TRPM3: variants seen among roughly 807,000 people sequenced by gnomAD.
TRPM3 encodes the protein transient receptor potential cation channel subfamily M member 3.
Under a neutral mutation model 181.2 loss-of-function variants are expected in TRPM3, and 77 were observed. The observed-to-expected ratio is 0.42, with a 90% CI of 0.35 to 0.51. The LOEUF is 0.51. Among genes scored for constraint, TRPM3 ranks in the 20% least tolerant of loss-of-function variants. The pLI is 0.01. For synonymous variants in TRPM3, 745 were observed against 796.4 expected, an observed-to-expected ratio of 0.94 and a Z score of 1.09; for missense variants, 1,759 against 2,196.7, an observed-to-expected ratio of 0.80 and a Z score of 3.98.
At chr9:70,796,650 G>A (rs2087111142) in intron 6 of TRPM3, among the ~76,000 whole-genome samples, 2 of 152,174 alleles carry the variant, frequency 1.3e-5, no homozygotes, top group African/African-American at 2.4e-5. Context: ...TTCTTATAGT[G>A]CCTTACATAT....
At chr9:71,123,554 T>G (rs2073856311), upstream of TRPM3, among the ~76,000 whole-genome samples, 3 of 152,326 alleles carry the variant, frequency 2.0e-5, no homozygotes, top group South Asian at 6.2e-4. Context: ...GTGCTGATTC[T>G]GAGCTGGAAG....
At chr9:70,803,449 TTG>T (rs1491231621) in intron 6 of TRPM3, among the ~76,000 whole-genome samples, 2 of 123,412 alleles carry the variant, frequency 1.6e-5, no homozygotes, top group Non-Finnish European at 3.4e-5. Context: ...ACCGTTTTTG[TTG>T]TTTTTTTTTT....
upstream of TRPM3, among the ~76,000 whole-genome samples, chr9:71,125,193 CTTT>C (rs2073955766): frequency 6.6e-6 from 1 of 152,028 alleles, no homozygotes; most frequent in South Asian, 2.1e-4. Flanking sequence ...TTTGAATTTT[CTTT>C]TTTAAATATT....
At chr9:71,016,065 C>T (rs926274744) in intron 1 of TRPM3, among the ~76,000 whole-genome samples, 13 of 149,398 alleles carry the variant, frequency 8.7e-5, no homozygotes, top group African/African-American at 4.9e-5. Context: ...TGTGGTGGTG[C>T]GTGCCTGTAG....
intron 1 of TRPM3, among the ~76,000 whole-genome samples, chr9:70,891,634 A>C (rs988590192): frequency 5.9e-5 from 9 of 152,204 alleles, no homozygotes; most frequent in Non-Finnish European, 8.8e-5. Context: ...CTTAAATGGA[A>C]GTACTGGAAG....
chr9:71,010,527 A>G (rs891801506), intron 1 of TRPM3, among the ~76,000 whole-genome samples: 1 of 152,158 alleles, frequency 6.6e-6, no homozygotes, highest in Admixed American at 6.5e-5. Context: ...AATGCTCAAC[A>G]TCACTCATCA....
chr9:70,822,954 G>A (rs1054555330), intron 6 of TRPM3, among the ~76,000 whole-genome samples: 6 of 152,072 alleles, frequency 3.9e-5, no homozygotes, highest in African/African-American at 1.4e-4. Context: ...AATGGGATGT[G>A]ATGTGTCCCT....
At chr9:70,768,195 C>T (rs951248914) in intron 7 of TRPM3, among the ~76,000 whole-genome samples, 2 of 152,144 alleles carry the variant, frequency 1.3e-5, no homozygotes, top group African/African-American at 4.8e-5. Context: ...CCACCATTTC[C>T]TTTAAAGTAA....
intron 1 of TRPM3, among the ~76,000 whole-genome samples, chr9:71,403,948 C>T (rs1215135578): frequency 6.6e-6 from 1 of 152,156 alleles, no homozygotes; most frequent in East Asian, 1.9e-4. Flanking sequence ...GAATATTTCT[C>T]TTTCCAAAAT....
chr9:70,877,340 G>C (rs967895819), intron 1 of TRPM3, among the ~76,000 whole-genome samples: 1 of 151,836 alleles, frequency 6.6e-6, no homozygotes, highest in African/African-American at 2.4e-5. Context: ...AAAGATAGAA[G>C]GGTAAAAATA....
chr9:70,633,867 T>C (rs1454815893), intron 12 of TRPM3, among the ~76,000 whole-genome samples: 1 of 152,176 alleles, frequency 6.6e-6, no homozygotes, highest in Admixed American at 6.5e-5. Context: ...CAAGTGGCGA[T>C]AGTGGGCAAA....
chr9:70,862,793 C>G, intron 3 of TRPM3, 115 bp downstream of exon 3: 1 of 1,020,000 alleles, frequency 9.8e-7, no homozygotes, highest in East Asian at 2.4e-5. Flanking sequence ...CCTCATCAGA[C>G]AGTGGCAGAG....
At chr9:70,923,871 CAT>C (rs1194397047) in intron 1 of TRPM3, among the ~76,000 whole-genome samples, 6 of 138,982 alleles carry the variant, frequency 4.3e-5, no homozygotes, top group Admixed American at 3.6e-4. Flanking sequence ...TATATATATA[CAT>C]ATATATACAC....
intron 22 of TRPM3, among the ~76,000 whole-genome samples, chr9:70,587,442 C>G (rs1005407889): frequency 2.0e-5 from 3 of 152,162 alleles, no homozygotes; most frequent in Non-Finnish European, 4.4e-5. Flanking sequence ...CTGGAGAAAG[C>G]CAGAGACACC....
chr9:71,433,803 T>G (rs967143945), intron 1 of TRPM3, among the ~76,000 whole-genome samples: 1 of 152,200 alleles, frequency 6.6e-6, no homozygotes, highest in East Asian at 1.9e-4. Flanking sequence ...CCCTAGCTCT[T>G]TGTGCTTCTA....
chr9:70,931,466 C>G (rs747628220), intron 1 of TRPM3, among the ~76,000 whole-genome samples: 5 of 151,872 alleles, frequency 3.3e-5, no homozygotes, highest in Admixed American at 6.6e-5. Context: ...GGAGACAGAA[C>G]CCAGAAAATA....
intron 22 of TRPM3, among the ~76,000 whole-genome samples, chr9:70,582,397 C>G (rs1024437414): frequency 8.5e-5 from 13 of 152,338 alleles, no homozygotes; most frequent in African/African-American, 3.1e-4. Context: ...CAACATCACT[C>G]TCTATCCTCT....
chr9:71,401,393 A>T (rs1007701577), intron 1 of TRPM3, among the ~76,000 whole-genome samples: 4 of 152,110 alleles, frequency 2.6e-5, no homozygotes, highest in Non-Finnish European at 5.9e-5. Context: ...TCATCTGAGC[A>T]GACTATTGGA....
At chr9:71,113,252 C>T (rs1350220153) in intron 1 of TRPM3, among the ~76,000 whole-genome samples, 1 of 152,028 alleles carries the variant, frequency 6.6e-6, no homozygotes, top group African/African-American at 2.4e-5. Flanking sequence ...TAGGAATAGA[C>T]AGAAGGGGGT....
Sources: allele counts gnomAD v4.1 joint callset (sites outside exome capture counted in the v4.1 genomes callset), GRCh38; gene constraint gnomAD v4.1.1; transcripts MANE v1.5; gene names NCBI Gene and HGNC (gene_info 2026-07-23, HGNC 2026-07-21).